NRG1: variants seen among roughly 807,000 people sequenced by gnomAD.
NRG1 encodes neuregulin 1.
Under a neutral mutation model 63.8 loss-of-function variants are expected in NRG1, and 18 were observed. The observed-to-expected ratio is 0.28, with a 90% CI of 0.19 to 0.42. The LOEUF (loss-of-function observed/expected upper bound fraction) is 0.42, where lower values mean the gene tolerates loss of function less well. NRG1 is among the 10% of genes least tolerant of loss of function. The pLI is 1.00. For synonymous variants in NRG1, 302 were observed against 301.3 expected, an observed-to-expected ratio of 1.00 and a Z score of -0.02; for missense variants, 762 against 814.7, an observed-to-expected ratio of 0.94 and a Z score of 0.79.
At chr8:32,230,107 A>T (rs1271921574) in intron 1 of NRG1, among the ~76,000 whole-genome samples, 1 of 152,156 alleles carries the variant, frequency 6.6e-6, no homozygotes. Flanking sequence ...TGGCTTCAGG[A>T]GGTAGCTTAG....
intron 1 of NRG1, among the ~76,000 whole-genome samples, chr8:31,990,901 A>T (rs1810952295): frequency 6.6e-6 from 1 of 152,118 alleles, no homozygotes; most frequent in Non-Finnish European, 1.5e-5. Flanking sequence ...GGCACAGATG[A>T]AACTGGAATT....
intron 1 of NRG1, among the ~76,000 whole-genome samples, chr8:31,953,704 G>T (rs192753300): frequency 6.6e-6 from 1 of 152,182 alleles, no homozygotes; most frequent in East Asian, 1.9e-4. Context: ...GATATTTTTC[G>T]CAAATAAGGC....
chr8:32,233,426 A>C (rs942608392), intron 1 of NRG1, among the ~76,000 whole-genome samples: 1 of 151,632 alleles, frequency 6.6e-6, no homozygotes, highest in Non-Finnish European at 1.5e-5. Context: ...ATTATAAATA[A>C]ATACCAATAA....
chr8:31,897,673 C>T (rs1831687886), intron 1 of NRG1, among the ~76,000 whole-genome samples: 1 of 152,094 alleles, frequency 6.6e-6, no homozygotes, highest in Non-Finnish European at 1.5e-5. Flanking sequence ...CCCTTCTATT[C>T]ATTCTAGGTC....
chr8:32,207,710 T>C (rs1844220432), intron 1 of NRG1, among the ~76,000 whole-genome samples: 1 of 152,164 alleles, frequency 6.6e-6, no homozygotes, highest in South Asian at 2.1e-4. Context: ...ATTAGACAGT[T>C]TGAAAAAAGA....
chr8:32,025,119 A>G (rs1226950753), intron 1 of NRG1, among the ~76,000 whole-genome samples: 1 of 152,206 alleles, frequency 6.6e-6, no homozygotes. Context: ...CTTTGTAAAT[A>G]TTAAAAATGC....
chr8:32,228,966 C>T (rs1846619174), intron 1 of NRG1, among the ~76,000 whole-genome samples: 1 of 152,124 alleles, frequency 6.6e-6, no homozygotes, highest in Non-Finnish European at 1.5e-5. Context: ...AAATGATTGA[C>T]TCAGGCTTAA....
At chr8:31,739,629 G>C (rs1333967656) in intron 1 of NRG1, among the ~76,000 whole-genome samples, 2 of 152,034 alleles carry the variant, frequency 1.3e-5, no homozygotes, top group East Asian at 1.9e-4. Context: ...TGATTTCATG[G>C]AGACATGGAG....
chr8:32,522,808 C>CTTTTTTTT (rs56103865), intron 1 of NRG1, among the ~76,000 whole-genome samples: 1 of 139,470 alleles, frequency 7.2e-6, no homozygotes, highest in African/African-American at 2.6e-5. Context: ...CCCAATTTGC[C>CTTTTTTTT]TTTTTTTTTT....
chr8:32,433,231 C>T (rs780278405), intron 1 of NRG1, among the ~76,000 whole-genome samples: 32 of 152,104 alleles, frequency 2.1e-4, no homozygotes, highest in Non-Finnish European at 4.0e-4. Context: ...GATGAGACAT[C>T]AGGAAAATAT....
At chr8:31,761,379 C>T (rs2131518231) in intron 1 of NRG1, among the ~76,000 whole-genome samples, 1 of 152,052 alleles carries the variant, frequency 6.6e-6, no homozygotes, top group African/African-American at 2.4e-5. Flanking sequence ...GTGCAGCACA[C>T]CAACATGGCA....
intron 1 of NRG1, among the ~76,000 whole-genome samples, chr8:31,772,174 T>C (rs914712354): frequency 6.6e-6 from 1 of 152,206 alleles, no homozygotes; most frequent in Non-Finnish European, 1.5e-5. Flanking sequence ...GGAAAAACTA[T>C]CTTTCATGAT....
At chr8:32,041,990 CAACA>C (rs1422020624) in intron 1 of NRG1, among the ~76,000 whole-genome samples, 1 of 152,038 alleles carries the variant, frequency 6.6e-6, no homozygotes, top group East Asian at 1.9e-4. Context: ...TTGTGTGACA[CAACA>C]TACAGGATAT....
intron 1 of NRG1, among the ~76,000 whole-genome samples, chr8:32,125,917 T>A (rs183387460): frequency 1.4e-4 from 22 of 152,104 alleles, no homozygotes; most frequent in Non-Finnish European, 1.5e-5. Flanking sequence ...AGTAGGGGAT[T>A]CTATTCAGTT....
At chr8:31,811,314 T>G (rs1359477442) in intron 1 of NRG1, among the ~76,000 whole-genome samples, 2 of 152,346 alleles carry the variant, frequency 1.3e-5, no homozygotes, top group East Asian at 3.9e-4. Flanking sequence ...TTCTCCTGTG[T>G]AAGTGTGGGC....
intron 1 of NRG1, among the ~76,000 whole-genome samples, chr8:31,705,263 G>T (rs1296488266): frequency 6.6e-6 from 1 of 151,992 alleles, no homozygotes; most frequent in Non-Finnish European, 1.5e-5. Context: ...GGCCAGGATG[G>T]TCTCCATCTC....
chr8:32,555,901 G>A (rs924633085), intron 1 of NRG1, among the ~76,000 whole-genome samples: 1 of 152,192 alleles, frequency 6.6e-6, no homozygotes. Context: ...CCTTTTTAAA[G>A]TGTAATATTG....
chr8:31,938,146 C>G (rs1321119302), intron 1 of NRG1, among the ~76,000 whole-genome samples: 2 of 152,242 alleles, frequency 1.3e-5, no homozygotes, highest in East Asian at 3.9e-4. Context: ...AAGGACCTCA[C>G]AGAGTCCACT....
chr8:32,582,476 C>T (rs936944860), intron 1 of NRG1, among the ~76,000 whole-genome samples: 4 of 152,114 alleles, frequency 2.6e-5, no homozygotes, highest in African/African-American at 9.7e-5. Flanking sequence ...TATGAGTTTG[C>T]TATTAAAATA....
Sources: allele counts gnomAD v4.1 joint callset (sites outside exome capture counted in the v4.1 genomes callset), GRCh38; gene constraint gnomAD v4.1.1; transcripts MANE v1.5; gene names NCBI Gene and HGNC (gene_info 2026-07-23, HGNC 2026-07-21).